Variants in ARB2A observed in about 807,000 individuals in gnomAD.
ARB2A encodes cotranscriptional regulator ARB2A.
the ARB2A span, chr5:93,862,785 G>C: frequency 6.6e-6 from 1 of 152,102 alleles, no homozygotes; most frequent in South Asian, 2.1e-4. Context: ...GAATTTAACA[G>C]AATCTTGAAA....
chr5:94,009,632 C>A, the ARB2A span, among the ~76,000 whole-genome samples: 2 of 152,036 alleles, frequency 1.3e-5, no homozygotes, highest in Non-Finnish European at 2.9e-5. Context: ...GTGATCTTTG[C>A]AACTGCTTTT....
the ARB2A span, among the ~76,000 whole-genome samples, chr5:93,788,550 T>C: frequency 1.1e-3 from 165 of 152,342 alleles, no homozygotes; most frequent in African/African-American, 3.9e-3. Context: ...ATTCAAATGC[T>C]TCATGTCATC....
chr5:93,923,459 ATT>A, the ARB2A span, among the ~76,000 whole-genome samples: 4 of 152,092 alleles, frequency 2.6e-5, no homozygotes, highest in Non-Finnish European at 5.9e-5. Flanking sequence ...ATTGTGGGTA[ATT>A]TTTCTTTTTG....
chr5:93,673,200 TTAAAAA>T, the ARB2A span, among the ~76,000 whole-genome samples: 3 of 152,186 alleles, frequency 2.0e-5, no homozygotes, highest in African/African-American at 7.2e-5. Flanking sequence ...AATGAAATAA[TTAAAAA>T]TAGAGAGTTT....
At chr5:93,814,933 G>A in the ARB2A span, among the ~76,000 whole-genome samples, 1 of 152,146 alleles carries the variant, frequency 6.6e-6, no homozygotes, top group Admixed American at 6.5e-5. Context: ...AAACTCCTGG[G>A]TTCATGCAAT....
the ARB2A span, among the ~76,000 whole-genome samples, chr5:93,903,582 G>T: frequency 1.3e-5 from 2 of 151,856 alleles, no homozygotes; most frequent in Non-Finnish European, 2.9e-5. Flanking sequence ...TCAGTTGTTG[G>T]TTTTCTACCA....
the ARB2A span, among the ~76,000 whole-genome samples, chr5:93,983,817 C>T: frequency 6.6e-6 from 1 of 152,106 alleles, no homozygotes; most frequent in Non-Finnish European, 1.5e-5. Flanking sequence ...AATGCATAAC[C>T]TGAATCGAAT....
At chr5:93,721,585 G>A in the ARB2A span, among the ~76,000 whole-genome samples, 52 of 152,192 alleles carry the variant, frequency 3.4e-4, 1 homozygote, top group South Asian at 1.2e-3. Flanking sequence ...TAATTATTTG[G>A]GTTTGTTATC....
chr5:94,003,868 A>T, the ARB2A span, among the ~76,000 whole-genome samples: 1 of 152,180 alleles, frequency 6.6e-6, no homozygotes, highest in Non-Finnish European at 1.5e-5. Flanking sequence ...ATATGGAAAG[A>T]AAAAGGAACT....
the ARB2A span, among the ~76,000 whole-genome samples, chr5:93,883,051 A>T: frequency 2.0e-5 from 3 of 151,582 alleles, no homozygotes; most frequent in African/African-American, 4.8e-5. Context: ...ATGCTGCATT[A>T]CTGCACATGG....
At chr5:93,809,301 A>G in the ARB2A span, among the ~76,000 whole-genome samples, 1 of 152,076 alleles carries the variant, frequency 6.6e-6, no homozygotes, top group Non-Finnish European at 1.5e-5. Flanking sequence ...TCTGGGTGAC[A>G]AAATCATTTG....
chr5:93,672,469 C>T, the ARB2A span, among the ~76,000 whole-genome samples: 1 of 152,038 alleles, frequency 6.6e-6, no homozygotes, highest in Admixed American at 6.6e-5. Context: ...ACCACCACAC[C>T]CAGCTAATTT....
At chr5:93,998,022 G>A in the ARB2A span, among the ~76,000 whole-genome samples, 2 of 151,802 alleles carry the variant, frequency 1.3e-5, no homozygotes, top group African/African-American at 4.8e-5. Context: ...CACACAGAGA[G>A]AGAAATATGT....
the ARB2A span, among the ~76,000 whole-genome samples, chr5:93,840,925 G>T: frequency 6.6e-6 from 1 of 152,102 alleles, no homozygotes; most frequent in East Asian, 1.9e-4. Flanking sequence ...TACAGACAGG[G>T]TGACAAATAC....
At chr5:93,902,908 T>C in the ARB2A span, among the ~76,000 whole-genome samples, 5 of 152,046 alleles carry the variant, frequency 3.3e-5, no homozygotes, top group Admixed American at 3.3e-4. Context: ...AAACATGGGG[T>C]CTTCAAAAGG....
At chr5:93,923,357 T>G in the ARB2A span, among the ~76,000 whole-genome samples, 2 of 152,324 alleles carry the variant, frequency 1.3e-5, no homozygotes, top group South Asian at 4.1e-4. Context: ...TTTCCAACTT[T>G]GCAGAGCAGT....
the ARB2A span, among the ~76,000 whole-genome samples, chr5:93,760,212 C>A: frequency 6.6e-6 from 1 of 152,162 alleles, no homozygotes; most frequent in Non-Finnish European, 1.5e-5. Context: ...AAGACCTCTA[C>A]AAGAAAAACT....
the ARB2A span, among the ~76,000 whole-genome samples, chr5:93,800,914 TTAATA>T: frequency 3.3e-5 from 5 of 152,112 alleles, no homozygotes; most frequent in Non-Finnish European, 7.4e-5. Flanking sequence ...AATGCAATCT[TTAATA>T]TAGTTTTAAA....
At chr5:93,886,462 T>C in the ARB2A span, among the ~76,000 whole-genome samples, 23 of 151,704 alleles carry the variant, frequency 1.5e-4, no homozygotes, top group African/African-American at 5.3e-4. Context: ...CTCAAGGGAA[T>C]TGAAACCCAA....
Sources: allele counts gnomAD v4.1 joint callset (sites outside exome capture counted in the v4.1 genomes callset), GRCh38; gene constraint gnomAD v4.1.1; transcripts MANE v1.5; gene names NCBI Gene and HGNC (gene_info 2026-07-23, HGNC 2026-07-21).